The following STEAP1B variants were observed in gnomAD, a reference collection of about 807,000 sequenced individuals.
STEAP1B encodes STEAP family protein MGC87042.
A neutral mutation model predicts 27.9 loss-of-function variants in STEAP1B; 13 were observed. The observed-to-expected ratio is 0.47, with a 90% CI of 0.30 to 0.74. The LOEUF is 0.74. Among genes scored for constraint, STEAP1B ranks in the 30% least tolerant of loss-of-function variants. STEAP1B has a pLI of 0.06. For synonymous variants in STEAP1B, 86 were observed against 107.1 expected (o/e 0.80, Z 1.22); for missense variants, 250 against 298.7 (o/e 0.84, Z 1.20).
intron 4 of STEAP1B, among the ~76,000 whole-genome samples, chr7:22,429,287 C>A (rs935184589): frequency 2.6e-5 from 4 of 152,160 alleles, no homozygotes; most frequent in African/African-American, 7.2e-5. Flanking sequence ...CCAACAACTA[C>A]AACAACAAAA....
In STEAP1B at chr7:22,449,620, C is replaced by G. The variant is rs1056779400; in HGVS notation, c.763-29784G>C. ...AAAAAACATGACAGTGCAGATATCT[C>G]TCTTTGATATAGTAATTTCCTTTCT... On this transcript the variant is annotated intron_variant, in intron 4 of 4. Transcript: ENST00000678116. 2.0e-5 allele frequency among the ~76,000 whole-genome samples: 3 copies of G among 152,184 alleles called. No homozygotes were observed. The East Asian group carries it at 5.8e-4, about 29-fold the overall frequency.
intron 4 of STEAP1B, among the ~76,000 whole-genome samples, chr7:22,465,191 A>C (rs1392175232): frequency 6.6e-6 from 1 of 151,758 alleles, no homozygotes; most frequent in African/African-American, 2.4e-5. Flanking sequence ...GGATGAATTC[A>C]TGTCCAGAGC....
chr7:22,478,014 C>T (rs1052243951), intron 4 of STEAP1B, among the ~76,000 whole-genome samples: 4 of 152,120 alleles, frequency 2.6e-5, no homozygotes, highest in Non-Finnish European at 5.9e-5. Context: ...GAACCCAGGG[C>T]CCTCTCCACT....
chr7:22,485,497 T>A (rs993149675), intron 4 of STEAP1B, among the ~76,000 whole-genome samples: 4 of 152,254 alleles, frequency 2.6e-5, no homozygotes, highest in African/African-American at 9.6e-5. Context: ...ACAACTTTTT[T>A]ATTTTTTTAG....
intron 4 of STEAP1B, among the ~76,000 whole-genome samples, chr7:22,477,051 G>A (rs529195826): frequency 7.9e-5 from 12 of 152,308 alleles, no homozygotes; most frequent in African/African-American, 2.9e-4. Flanking sequence ...GCTTTCTGCT[G>A]AGTAACCTAA....
intron 4 of STEAP1B, among the ~76,000 whole-genome samples, chr7:22,478,743 G>A (rs1277207769): frequency 6.6e-6 from 1 of 152,218 alleles, no homozygotes; most frequent in Non-Finnish European, 1.5e-5. Flanking sequence ...GTCTAGTCCA[G>A]TAGCAGTTGC....
At chr7:22,497,321 A>G (rs1359261047) in intron 1 of STEAP1B, among the ~76,000 whole-genome samples, 2 of 152,350 alleles carry the variant, frequency 1.3e-5, no homozygotes, top group Middle Eastern at 6.8e-3. Flanking sequence ...AAGAAGGAAG[A>G]TGTTTTCATT....
chr7:22,435,963 G>A (rs747262367), intron 4 of STEAP1B, among the ~76,000 whole-genome samples: 2 of 152,166 alleles, frequency 1.3e-5, no homozygotes, highest in Non-Finnish European at 2.9e-5. Context: ...GGCAGAACAC[G>A]GTCTGGTGGA....
chr7:22,476,361 A>T (rs147660196), intron 4 of STEAP1B, among the ~76,000 whole-genome samples: 57 of 152,294 alleles, frequency 3.7e-4, no homozygotes, highest in Middle Eastern at 3.4e-3. Context: ...ATACACAGGG[A>T]TGGCCCAGTG....
At chr7:22,442,314 C>T (rs1383290265) in intron 4 of STEAP1B, among the ~76,000 whole-genome samples, 1 of 152,258 alleles carries the variant, frequency 6.6e-6, no homozygotes, top group Non-Finnish European at 1.5e-5. Flanking sequence ...TTACACAGCA[C>T]ACCAACTGCC....
chr7:22,429,595 C>T (rs6968149), intron 4 of STEAP1B, among the ~76,000 whole-genome samples: 5,102 of 152,168 alleles, frequency 0.034, 289 homozygotes, highest in African/African-American at 0.12. Context: ...GTGGATATGC[C>T]GTACAAAGGA....
intron 4 of STEAP1B, among the ~76,000 whole-genome samples, chr7:22,470,279 C>A (rs1785858867): frequency 6.6e-6 from 1 of 152,066 alleles, no homozygotes; most frequent in African/African-American, 2.4e-5. Flanking sequence ...ACAGGAGCCA[C>A]CTGAAAGCAT....
At chr7:22,438,521 C>CT in intron 4 of STEAP1B, 10 of 1,551,342 alleles carry the variant, frequency 6.4e-6, no homozygotes, top group Non-Finnish European at 8.7e-6. Flanking sequence ...AATAACTTGT[C>CT]TTTTTTATTG....
At chr7:22,422,613 C>A (rs557351209) in intron 4 of STEAP1B, among the ~76,000 whole-genome samples, 16 of 152,202 alleles carry the variant, frequency 1.1e-4, no homozygotes, top group African/African-American at 3.4e-4. Flanking sequence ...CCTGCCTCAG[C>A]CTCCCGAGTA....
chr7:22,432,710 G>A (rs551043343), intron 4 of STEAP1B, among the ~76,000 whole-genome samples: 7 of 152,216 alleles, frequency 4.6e-5, no homozygotes, highest in East Asian at 3.9e-4. Context: ...GTGATTTGCC[G>A]TCTGTTTCCT....
intron 1 of STEAP1B, among the ~76,000 whole-genome samples, chr7:22,496,534 C>T (rs1478741492): frequency 2.0e-5 from 3 of 152,144 alleles, no homozygotes; most frequent in African/African-American, 7.2e-5. Context: ...GCGTCCTGTA[C>T]AAATATACAA....
At chr7:22,436,512 A>G (rs1044061598) in intron 4 of STEAP1B, among the ~76,000 whole-genome samples, 13 of 151,916 alleles carry the variant, frequency 8.6e-5, no homozygotes, top group African/African-American at 3.1e-4. Flanking sequence ...TAAGCCTACT[A>G]TGTATTATTT....
At chr7:22,432,250 A>T (rs143375204) in intron 4 of STEAP1B, among the ~76,000 whole-genome samples, 184 of 152,160 alleles carry the variant, frequency 1.2e-3, no homozygotes, top group African/African-American at 4.3e-3. Flanking sequence ...TGAGAAATAA[A>T]TTTCTGGGCT....
chr7:22,441,109 T>C (rs1312897798), intron 4 of STEAP1B, among the ~76,000 whole-genome samples: 1 of 152,246 alleles, frequency 6.6e-6, no homozygotes, highest in African/African-American at 2.4e-5. Context: ...ATATTTTTAA[T>C]GTAACTATTT....
Sources: allele counts gnomAD v4.1 joint callset (sites outside exome capture counted in the v4.1 genomes callset), GRCh38; gene constraint gnomAD v4.1.1; transcripts MANE v1.5; gene names NCBI Gene and HGNC (gene_info 2026-07-23, HGNC 2026-07-21).